DOCK9: variants seen among roughly 807,000 people sequenced by gnomAD.
DOCK9 encodes dedicator of cytokinesis protein 9.
DOCK9 carries 89 observed loss-of-function variants against 263.3 expected under a neutral mutation model. The ratio of observed to expected loss-of-function variants is 0.34; its 90% CI spans 0.28 to 0.40. The LOEUF is 0.40. Ranked by LOEUF, DOCK9 falls within the 10% of genes least tolerant of loss-of-function variation. The probability of loss-of-function intolerance (pLI) is 1.00; values close to 1 mark genes in which losing one functional copy is unlikely to be tolerated. For synonymous variants in DOCK9, 976 were observed against 973.1 expected (o/e 1.00, Z -0.06); for missense variants, 2,140 against 2,603.4 (o/e 0.82, Z 3.87).
chr13:98,825,952 G>GA lies in DOCK9; in HGVS notation c.5023+877dup, dbSNP rs2092516688. ...CCACTGGACTGCTTCTAAACATGAG[G>GA]AAATGCATCACCTGATAAAAGGTCT... is the stretch of plus-strand genomic sequence containing the variant. On this transcript the variant is annotated intron_variant, in intron 44 of 52. Coordinates refer to ENST00000682017, the MANE Select transcript of DOCK9 (RefSeq NM_001366683.2). This position sits in a 1 kb window ranked among gnomAD's most constrained non-coding sequence, Gnocchi z 4.1. 2.0e-6 allele frequency: 3 copies of GA among 1,529,182 alleles called. No individual in the cohort carries two copies. Among genetic ancestry groups the GA allele is most frequent in the Admixed American group, 4.0e-5 (2 of 50,358 alleles). The allele number at this position is 1,529,182 out of a possible 1,614,324, so 94.7% of individuals were successfully genotyped here.
intron 1 of DOCK9, among the ~76,000 whole-genome samples, chr13:99,034,246 C>T (rs1277380237): frequency 6.6e-6 from 1 of 152,096 alleles, no homozygotes; most frequent in Non-Finnish European, 1.5e-5. Context: ...CCAGTTTCCC[C>T]CAACATAAGT....
chr13:98,898,737 A>G (rs576307350), intron 13 of DOCK9, among the ~76,000 whole-genome samples: 1 of 152,350 alleles, frequency 6.6e-6, no homozygotes, highest in East Asian at 1.9e-4. Context: ...AAGGGATAAG[A>G]TATTAAGATA....
chr13:99,059,553 G>A (rs1005995079), intron 1 of DOCK9, among the ~76,000 whole-genome samples: 2 of 152,116 alleles, frequency 1.3e-5, no homozygotes, highest in Admixed American at 1.3e-4. Flanking sequence ...CTTCACTGCA[G>A]CCAGAATGAT....
In DOCK9 at chr13:98,867,479, T is replaced by G; in HGVS notation, c.3232A>C (p.Ile1078Leu). ...AATGGCATTGGTAAGTTCAACGGAA[T>G]ATAATGTTCATGGTTGCACACTACA... ...LRVVCNHEHY[I>L]PLNLPMPFGK... The change falls in exon 30 of 53, where the codon ATT (isoleucine) becomes CTT (leucine). Residue 1078 changes from isoleucine to leucine, a missense_variant. By Grantham distance (5) the Ile-to-Leu change is conservative. Around this residue, in one of 2 missense-constraint regions of DOCK9, gnomAD observed 1,521 missense variants for 1,741.7 expected, o/e 0.87. Coordinates refer to ENST00000682017, the MANE Select transcript of DOCK9 (RefSeq NM_001366683.2). 6.2e-7 allele frequency: 1 copy of G among 1,613,074 alleles called. No homozygotes were observed. Among genetic ancestry groups the G allele is most frequent in the Non-Finnish European group, 8.5e-7 (1 of 1,179,502 alleles).
At chr13:98,892,917 C>G (rs2046843618) in intron 15 of DOCK9, among the ~76,000 whole-genome samples, 1 of 152,174 alleles carries the variant, frequency 6.6e-6, no homozygotes, top group African/African-American at 2.4e-5. Flanking sequence ...GAGGAGGCGG[C>G]TCAGGCAGAG....
At chr13:98,801,266 C>A (rs967743865) in intron 49 of DOCK9, among the ~76,000 whole-genome samples, 6 of 152,166 alleles carry the variant, frequency 3.9e-5, no homozygotes, top group Admixed American at 1.3e-4. Context: ...GCCTGGGCTA[C>A]AGAGTGAGAC....
intron 34 of DOCK9, among the ~76,000 whole-genome samples, chr13:98,853,734 C>T (rs913710213): frequency 1.7e-4 from 26 of 152,154 alleles, no homozygotes; most frequent in African/African-American, 6.3e-4. Context: ...CTTGTCTCCT[C>T]AGCACGCTCT....
intron 47 of DOCK9, among the ~76,000 whole-genome samples, chr13:98,808,844 T>C (rs2091003778): frequency 2.0e-5 from 3 of 152,134 alleles, no homozygotes; most frequent in Non-Finnish European, 4.4e-5. Flanking sequence ...CTATAGGGTT[T>C]CTGAAAAACT....
intron 1 of DOCK9, among the ~76,000 whole-genome samples, chr13:99,004,359 C>T (rs1364441042): frequency 6.6e-6 from 1 of 152,094 alleles, no homozygotes; most frequent in Admixed American, 6.5e-5. Context: ...TGTTCTTCAA[C>T]AATAAAGAAA....
At chr13:99,077,867 G>A (rs1004673464) in intron 1 of DOCK9, among the ~76,000 whole-genome samples, 8 of 152,166 alleles carry the variant, frequency 5.3e-5, no homozygotes, top group Admixed American at 2.0e-4. Flanking sequence ...GAGAGGTAGC[G>A]TGTGGAAGAA....
intron 5 of DOCK9, among the ~76,000 whole-genome samples, chr13:98,922,908 C>G (rs2140113622): frequency 6.6e-6 from 1 of 152,306 alleles, no homozygotes; most frequent in South Asian, 2.1e-4. Flanking sequence ...TTGATCAAAT[C>G]AGACTTCACT....
intron 1 of DOCK9, among the ~76,000 whole-genome samples, chr13:99,030,175 G>C (rs1366238597): frequency 6.6e-6 from 1 of 152,214 alleles, no homozygotes; most frequent in East Asian, 1.9e-4. Context: ...TCTGAAATTA[G>C]ATAATGGTGA....
chr13:99,019,817 G>A (rs577051174), intron 1 of DOCK9, among the ~76,000 whole-genome samples: 16 of 152,260 alleles, frequency 1.1e-4, no homozygotes, highest in Admixed American at 9.2e-4. Context: ...TCGGGGTGGG[G>A]AGGCCAAGCA....
intron 7 of DOCK9, 150 bp from the exon 8 acceptor site, chr13:98,915,653 C>T: frequency 7.9e-6 from 5 of 636,622 alleles, no homozygotes; most frequent in South Asian, 7.0e-5. Flanking sequence ...AAAGCCCCCC[C>T]CCATGAAATC....
chr13:99,012,224 T>TG (rs1157800566), intron 1 of DOCK9, among the ~76,000 whole-genome samples: 2 of 152,096 alleles, frequency 1.3e-5, no homozygotes, highest in Non-Finnish European at 2.9e-5. Flanking sequence ...TTCTTAAGTA[T>TG]GTTTCTTATG....
intron 1 of DOCK9, among the ~76,000 whole-genome samples, chr13:98,991,524 A>C (rs1879801767): frequency 6.6e-6 from 1 of 152,200 alleles, no homozygotes; most frequent in Non-Finnish European, 1.5e-5. Context: ...GTGTGACAAA[A>C]AGAATGTAAA....
chr13:98,825,098 G>A lies in DOCK9; in HGVS notation c.5024-594C>T, dbSNP rs2092470692. On this transcript the variant is annotated intron_variant, in intron 44 of 52. Coordinates refer to ENST00000682017, the MANE Select transcript of DOCK9 (RefSeq NM_001366683.2). The surrounding 1 kb of genome is among the most constrained non-coding windows in gnomAD (Gnocchi z 4.1). ...GGCTGGCTGCATCAACAGAGGGCAT[G>A]GATGCCTGGGCACTCTGATTCTCCA... 1.3e-5 allele frequency among the ~76,000 whole-genome samples: 2 copies of A among 152,200 alleles called. No homozygotes were observed. The highest frequency in any genetic ancestry group is 2.9e-5 in the Non-Finnish European group (2 of 68,024).
intron 39 of DOCK9, among the ~76,000 whole-genome samples, chr13:98,837,275 A>G (rs539614599): frequency 1.3e-5 from 2 of 152,322 alleles, no homozygotes; most frequent in African/African-American, 4.8e-5. Context: ...CCAAGCGCGC[A>G]GCACACACTG....
At position 98,868,028 on chromosome 13, in the gene DOCK9, G is replaced by GCA. The variant is rs2094084290; in HGVS notation, c.3091-19_3091-18dup. On this transcript the variant is annotated splice_polypyrimidine_tract_variant and intron_variant, in intron 28 of 52. Transcript: ENST00000682017. ...GAAACATCTCTGTGGAGGAAAACAA[G>GCA]CAAAAAAGTTATTTCAGGTCCAAAC... 2 of 1,608,800 alleles carry GCA rather than the reference G, an allele frequency of 1.2e-6. No homozygotes were observed. Among genetic ancestry groups the GCA allele is most frequent in the Non-Finnish European group, 1.7e-6 (2 of 1,177,604 alleles).
Sources: gnomAD v4.1 joint callset for allele counts (sites outside exome capture counted in the v4.1 genomes callset) on GRCh38, gnomAD v4.1.1 for gene constraint, gnomAD v4.1.1 regional missense constraint, Gnocchi (gnomAD v3.1) non-coding constraint, MANE v1.5 for transcripts, NCBI Gene and HGNC (gene_info 2026-07-23, HGNC 2026-07-21) for gene names.